The following NCALD variants were observed in gnomAD, a reference collection of about 807,000 sequenced individuals.
NCALD encodes the protein neurocalcin-delta.
In NCALD, 10 loss-of-function variants were observed where a neutral mutation model predicts 18.6. The observed-to-expected ratio is 0.54, with a 90% CI of 0.33 to 0.91. The LOEUF (loss-of-function observed/expected upper bound fraction) is 0.91. Among genes scored for constraint, NCALD ranks in the 40% least tolerant of loss-of-function variants. The pLI is 0.03. For missense variants in NCALD, 184 were observed against 247.6 expected, an observed-to-expected ratio of 0.74 and a Z score of 1.72; for synonymous variants, 88 against 87.4, an observed-to-expected ratio of 1.01 and a Z score of -0.04.
intron 2 of NCALD, among the ~76,000 whole-genome samples, chr8:101,935,297 A>G (rs916356745): frequency 6.6e-6 from 1 of 152,200 alleles, no homozygotes; most frequent in Non-Finnish European, 1.5e-5. Context: ...TTTCCAAACA[A>G]TTCCTAAGCA....
At chr8:101,838,512 G>A (rs777766099) in intron 4 of NCALD, among the ~76,000 whole-genome samples, 14 of 152,196 alleles carry the variant, frequency 9.2e-5, no homozygotes, top group Non-Finnish European at 1.3e-4. Context: ...GAGCCACCGT[G>A]CCCAGCCCAG....
chr8:102,004,197 C>T (rs79229986), intron 2 of NCALD, among the ~76,000 whole-genome samples: 88,071 of 148,858 alleles, frequency 0.59, 26,901 homozygotes, highest in African/African-American at 0.78. Flanking sequence ...GATACAAAAT[C>T]AATGTACAAA....
chr8:102,113,333 T>A (rs953785050), intron 1 of NCALD, among the ~76,000 whole-genome samples: 1 of 152,238 alleles, frequency 6.6e-6, no homozygotes, highest in Non-Finnish European at 1.5e-5. Context: ...TAGGAGATTA[T>A]CTTTTTTAAA....
At chr8:101,766,984 AT>A (rs971072126) in intron 1 of NCALD, among the ~76,000 whole-genome samples, 1 of 152,128 alleles carries the variant, frequency 6.6e-6, no homozygotes, top group African/African-American at 2.4e-5. Flanking sequence ...TCTGTAACTC[AT>A]TTTTTTCCAC....
At chr8:101,735,342 C>A (rs993644727) in intron 1 of NCALD, among the ~76,000 whole-genome samples, 1 of 152,122 alleles carries the variant, frequency 6.6e-6, no homozygotes, top group Admixed American at 6.5e-5. Context: ...GCTCCTACCA[C>A]TTTACCAAGC....
At chr8:102,000,098 C>G (rs939527243) in intron 2 of NCALD, among the ~76,000 whole-genome samples, 1 of 152,216 alleles carries the variant, frequency 6.6e-6, no homozygotes, top group Non-Finnish European at 1.5e-5. Flanking sequence ...TTGCCTCACC[C>G]AGGAAGTGCA....
chr8:102,055,264 A>G (rs1423494405), intron 1 of NCALD, among the ~76,000 whole-genome samples: 6 of 144,934 alleles, frequency 4.1e-5, no homozygotes, highest in East Asian at 4.0e-4. Context: ...AAAAAAAAAA[A>G]AAGAAGAAGA....
At chr8:102,017,785 G>C (rs1333220630) in intron 2 of NCALD, among the ~76,000 whole-genome samples, 1 of 152,112 alleles carries the variant, frequency 6.6e-6, no homozygotes, top group Non-Finnish European at 1.5e-5. Flanking sequence ...TCTACTCTTT[G>C]AATGAGACTT....
chr8:101,991,484 A>C (rs1187807111), intron 2 of NCALD, among the ~76,000 whole-genome samples: 1 of 152,214 alleles, frequency 6.6e-6, no homozygotes, highest in Non-Finnish European at 1.5e-5. Context: ...GGGGAGGAAG[A>C]AAACTAATTT....
chr8:102,037,474 A>G (rs1304956253), intron 1 of NCALD, among the ~76,000 whole-genome samples: 1 of 152,192 alleles, frequency 6.6e-6, no homozygotes, highest in Non-Finnish European at 1.5e-5. Flanking sequence ...TAGTTCGTAG[A>G]TGTTGTATAC....
At chr8:101,713,597 A>C (rs1215950008) in intron 2 of NCALD, among the ~76,000 whole-genome samples, 1 of 152,168 alleles carries the variant, frequency 6.6e-6, no homozygotes, top group Non-Finnish European at 1.5e-5. Context: ...GATAAGGGGG[A>C]TATCCTCACT....
Position 102,068,073 on chromosome 8 carries a change from C to T in NCALD, c.-209-47784G>A, listed in dbSNP as rs182197138. Among the ~76,000 whole-genome samples the T allele has an allele frequency of 3.3e-5, 5 of 152,264 alleles. 1 individual carries two copies. Among genetic ancestry groups the T allele is most frequent in the Admixed American group, 2.6e-4 (4 of 15,298 alleles). On this transcript the variant is annotated intron_variant, in intron 1 of 6. Transcript: ENST00000311028. Reference sequence around the variant, plus strand: ...GACACATGAGAACTAGTTTTGCAACCTACCACCACCCAAAACCCAAAATAT... The same window carrying T: ...GACACATGAGAACTAGTTTTGCAACTTACCACCACCCAAAACCCAAAATAT...
rs189632023 is a variant in NCALD, at chr8:101,852,366, C to T, written c.-20+34775G>A. On this transcript the variant is annotated intron_variant, in intron 4 of 6. Coordinates refer to the NCALD transcript ENST00000311028. ...TCTGTGAAGCCCTTGGTCCCTCAGACCTCAGGCTGGTCTTGGCCTTTCAAC... is the reference window on the plus strand; with the variant it reads ...TCTGTGAAGCCCTTGGTCCCTCAGATCTCAGGCTGGTCTTGGCCTTTCAAC... Among the ~76,000 whole-genome samples, 17 of 152,322 alleles carry T rather than the reference C, an allele frequency of 1.1e-4. No individual in the cohort carries two copies. In the East Asian group the frequency reaches 3.3e-3, roughly 29 times the overall value.
At chr8:101,969,426 C>T (rs1020709172) in intron 2 of NCALD, among the ~76,000 whole-genome samples, 2 of 152,218 alleles carry the variant, frequency 1.3e-5, no homozygotes, top group African/African-American at 4.8e-5. Context: ...AATGATGATA[C>T]TGTTACTTCA....
At chr8:101,882,096 G>A (rs1816513465) in intron 4 of NCALD, among the ~76,000 whole-genome samples, 1 of 152,112 alleles carries the variant, frequency 6.6e-6, no homozygotes, top group Admixed American at 6.5e-5. Context: ...ATTCTATAGT[G>A]TGCAAGACAC....
At chr8:101,693,333 T>TTG (rs1752520393) in intron 2 of NCALD, 3 of 98,564 alleles carry the variant, frequency 3.0e-5, no homozygotes, top group Non-Finnish European at 4.4e-5. Context: ...TTTTTTTTTT[T>TTG]TTTTTTTTTT....
At chr8:101,759,092 C>T (rs1811008608) in intron 1 of NCALD, among the ~76,000 whole-genome samples, 1 of 152,192 alleles carries the variant, frequency 6.6e-6, no homozygotes, top group Admixed American at 6.5e-5. Flanking sequence ...TTCAACCAGC[C>T]AAGCACACCA....
intron 2 of NCALD, among the ~76,000 whole-genome samples, chr8:101,948,725 C>T (rs941811046): frequency 5.3e-5 from 8 of 152,126 alleles, no homozygotes; most frequent in African/African-American, 1.7e-4. Flanking sequence ...ATGTGCATGG[C>T]GGCCATTTCA....
chr8:101,907,917 T>C (rs895192766), intron 3 of NCALD, among the ~76,000 whole-genome samples: 3 of 152,182 alleles, frequency 2.0e-5, no homozygotes, highest in African/African-American at 7.2e-5. Context: ...CCTCTTTTAT[T>C]GGGGAGATGC....
Sources: gnomAD v4.1 joint callset for allele counts (sites outside exome capture counted in the v4.1 genomes callset) on GRCh38, gnomAD v4.1.1 for gene constraint, MANE v1.5 for transcripts, NCBI Gene and HGNC (gene_info 2026-07-23, HGNC 2026-07-21) for gene names.